Variants in ELAVL2 observed in about 807,000 individuals in gnomAD.
The protein encoded by ELAVL2 is ELAV like RNA binding protein 2.
In ELAVL2, 4 loss-of-function variants were observed where a neutral mutation model predicts 34.6. That is an observed-to-expected ratio of 0.12 (90% CI 0.06 to 0.26). The LOEUF (loss-of-function observed/expected upper bound fraction) is 0.26. Among genes scored for constraint, ELAVL2 ranks in the 10% least tolerant of loss-of-function variants. The pLI is 1.00. For missense variants in ELAVL2, 432 were observed against 442.8 expected (o/e 0.98, Z 0.22); for synonymous variants, 193 against 154.8 (o/e 1.25, Z -1.83).
intron 2 of ELAVL2, among the ~76,000 whole-genome samples, chr9:23,748,892 T>C (rs1006195055): frequency 6.6e-6 from 1 of 152,144 alleles, no homozygotes; most frequent in East Asian, 1.9e-4. Flanking sequence ...TATCAAATGT[T>C]GTATGATTTC....
chr9:23,743,093 T>G (rs1015273911), intron 2 of ELAVL2, among the ~76,000 whole-genome samples: 1 of 152,164 alleles, frequency 6.6e-6, no homozygotes, highest in African/African-American at 2.4e-5. Flanking sequence ...GAGCTGTACA[T>G]GGTTAAAGTT....
chr9:23,824,098 T>C (rs1168509787), intron 1 of ELAVL2, among the ~76,000 whole-genome samples: 2 of 152,136 alleles, frequency 1.3e-5, no homozygotes, highest in African/African-American at 2.4e-5. Context: ...AAATACTAAA[T>C]GGTTGGCTAT....
chr9:23,724,086 C>T (rs1459794035), intron 3 of ELAVL2, among the ~76,000 whole-genome samples: 2 of 152,164 alleles, frequency 1.3e-5, no homozygotes, highest in South Asian at 2.1e-4. Flanking sequence ...CCATACTTTG[C>T]ATAAGTTTAA....
chr9:23,738,199 G>A (rs867402327), intron 2 of ELAVL2, among the ~76,000 whole-genome samples: 3 of 152,182 alleles, frequency 2.0e-5, no homozygotes, highest in South Asian at 2.1e-4. Context: ...TCTCAGATCT[G>A]ATACACAGCA....
chr9:23,767,137 G>A lies in ELAVL2; in HGVS notation c.-15-4888C>T, dbSNP rs527729462. On this transcript the variant is annotated intron_variant, in intron 1 of 6. Coordinates refer to ENST00000397312, the MANE Select transcript of ELAVL2 (RefSeq NM_004432.5). Reference sequence around the variant, plus strand: ...AAATGGCTGTTACTATGGTGAAAGCGTAGGTTTTATTGGGAAATAGAAGAT... The same window carrying A: ...AAATGGCTGTTACTATGGTGAAAGCATAGGTTTTATTGGGAAATAGAAGAT... 3.0e-4 allele frequency among the ~76,000 whole-genome samples: 45 copies of A among 152,214 alleles called. 1 individual carries two copies. Among genetic ancestry groups the A allele is most frequent in the African/African-American group, 1.0e-3 (43 of 41,538 alleles).
chr9:23,820,658 T>C (rs1049009812), intron 1 of ELAVL2, among the ~76,000 whole-genome samples: 6 of 152,270 alleles, frequency 3.9e-5, no homozygotes, highest in East Asian at 1.9e-4. Context: ...TGGCTAAGCA[T>C]TGTCACGGCC....
At chr9:23,707,190 G>A (rs2039600099) in intron 3 of ELAVL2, among the ~76,000 whole-genome samples, 1 of 152,186 alleles carries the variant, frequency 6.6e-6, no homozygotes, top group African/African-American at 2.4e-5. Flanking sequence ...AATTTCAAGT[G>A]ATTAATGTAA....
At chr9:23,797,933 G>GA (rs201601198) in intron 1 of ELAVL2, among the ~76,000 whole-genome samples, 8 of 145,192 alleles carry the variant, frequency 5.5e-5, no homozygotes, top group African/African-American at 1.3e-4. Flanking sequence ...TGTCTCAAAA[G>GA]AAAAAAAAAG....
intron 2 of ELAVL2, among the ~76,000 whole-genome samples, chr9:23,742,253 AC>A (rs2049387090): frequency 6.6e-6 from 1 of 152,196 alleles, no homozygotes; most frequent in Non-Finnish European, 1.5e-5. Context: ...AGCTGTAAAA[AC>A]AAGTACCTCA....
intron 4 of ELAVL2, among the ~76,000 whole-genome samples, chr9:23,704,713 A>C (rs2038730708): frequency 6.6e-6 from 1 of 152,196 alleles, no homozygotes; most frequent in Admixed American, 6.5e-5. Context: ...TCAGGGTGGA[A>C]ATGACTCAAG....
At chr9:23,726,630 C>T (rs1281585483) in intron 3 of ELAVL2, among the ~76,000 whole-genome samples, 1 of 152,020 alleles carries the variant, frequency 6.6e-6, no homozygotes, top group Non-Finnish European at 1.5e-5. Context: ...GCCACGTATC[C>T]ATTTCACTGT....
upstream of ELAVL2, among the ~76,000 whole-genome samples, chr9:23,830,755 A>G (rs2138748406): frequency 6.6e-6 from 1 of 152,118 alleles, no homozygotes; most frequent in South Asian, 2.1e-4. Flanking sequence ...GCAGCCTCAG[A>G]TCGACGATTA....
intron 2 of ELAVL2, among the ~76,000 whole-genome samples, chr9:23,739,412 G>C (rs1188965330): frequency 1.3e-5 from 2 of 152,142 alleles, no homozygotes; most frequent in Non-Finnish European, 2.9e-5. Context: ...ATACCTGACA[G>C]TTCAAAAAAG....
intron 3 of ELAVL2, among the ~76,000 whole-genome samples, chr9:23,718,517 C>T (rs527681312): frequency 6.6e-6 from 1 of 152,276 alleles, no homozygotes; most frequent in African/African-American, 2.4e-5. Context: ...ACAGCAAACA[C>T]TGCAGATTGC....
At chr9:23,777,048 C>G (rs1424103976) in intron 1 of ELAVL2, among the ~76,000 whole-genome samples, 1 of 152,140 alleles carries the variant, frequency 6.6e-6, no homozygotes, top group Non-Finnish European at 1.5e-5. Context: ...ATGTAAAGTA[C>G]AAGTTTCTTT....
chr9:23,772,976 C>A (rs1034378903), intron 1 of ELAVL2, among the ~76,000 whole-genome samples: 3 of 152,012 alleles, frequency 2.0e-5, no homozygotes, highest in Non-Finnish European at 4.4e-5. Context: ...CTTTAAAAAC[C>A]GACATCCCAG....
At position 23,800,178 on chromosome 9, in the gene ELAVL2, A is replaced by G. The variant is rs139732556; in HGVS notation, c.-16+25628T>C. Among the ~76,000 whole-genome samples, 371 of 152,244 alleles carry G rather than the reference A, an allele frequency of 2.4e-3. 3 individuals are homozygous for G. Among genetic ancestry groups the G allele is most frequent in the African/African-American group, 8.6e-3 (356 of 41,546 alleles). On this transcript the variant is annotated intron_variant, in intron 1 of 6. Transcript: ENST00000397312. ...GCTTCACCATAAAGCATCACAATCA[A>G]CCTTTCATTATTCCCATTCTGTAGG...
intron 5 of ELAVL2, among the ~76,000 whole-genome samples, chr9:23,697,166 A>T (rs2035552332): frequency 6.6e-6 from 1 of 152,136 alleles, no homozygotes; most frequent in South Asian, 2.1e-4. Context: ...TGCTTTAATT[A>T]AAATGACCTC....
intron 2 of ELAVL2, among the ~76,000 whole-genome samples, chr9:23,754,673 G>T (rs1312672188): frequency 6.6e-6 from 1 of 152,208 alleles, no homozygotes; most frequent in African/African-American, 2.4e-5. Context: ...TGTTGGCCAT[G>T]GTTGGTCTTG....
Sources: allele counts gnomAD v4.1 joint callset (sites outside exome capture counted in the v4.1 genomes callset), GRCh38; gene constraint gnomAD v4.1.1; transcripts MANE v1.5; gene names NCBI Gene and HGNC (gene_info 2026-07-23, HGNC 2026-07-21).